OTUD4: variants seen among roughly 807,000 people sequenced by gnomAD.
The protein encoded by OTUD4 is OTU deubiquitinase 4.
OTUD4 carries 24 observed loss-of-function variants against 130.4 expected under a neutral mutation model. That is an observed-to-expected ratio of 0.18 (90% CI 0.13 to 0.26). The LOEUF is 0.26. Among genes scored for constraint, OTUD4 ranks in the 10% least tolerant of loss-of-function variants. The pLI is 1.00. For missense variants in OTUD4, 1,031 were observed against 1,329.4 expected (o/e 0.78, Z 3.49); for synonymous variants, 420 against 472.5 (o/e 0.89, Z 1.44).
chr4:145,160,964 G>C (rs1227194614), intron 6 of OTUD4, among the ~76,000 whole-genome samples: 2 of 152,000 alleles, frequency 1.3e-5, no homozygotes, highest in Non-Finnish European at 2.9e-5. Context: ...ACAAAAATTA[G>C]CCAGACTTGG....
rs1750195984 is a variant in OTUD4 at position 145,135,481 on chromosome 4, T to C, written c.*1949A>G. The C allele has an allele frequency of 6.6e-6, 1 of 152,204 alleles. No individual in the cohort carries two copies. The highest frequency in any genetic ancestry group is 1.5e-5 in the Non-Finnish European group (1 of 68,044). 9.4% of individuals were successfully genotyped at this position (152,204 alleles called of 1,614,324 possible). On this transcript the variant is annotated 3_prime_UTR_variant, in exon 21 of 21. Transcript: ENST00000447906. The stretch of plus-strand genomic sequence containing the variant: ...GTTTGTATCAAAATGTGATTTTCAT[T>C]AAAATCAGGTAAGCTAGTCCTACAT...
intron 1 of OTUD4, among the ~76,000 whole-genome samples, chr4:145,178,895 G>T (rs1027145881): frequency 2.0e-5 from 3 of 152,176 alleles, no homozygotes; most frequent in Admixed American, 6.5e-5. Context: ...GTGCAATGGG[G>T]TGTGGGGAGC....
rs1346705307 is a variant in OTUD4, at chr4:145,134,685, A to C, written c.*2745T>G. The C allele has an allele frequency of 5.0e-6, 2 of 398,826 alleles. No individual in the cohort carries two copies. The highest frequency in any genetic ancestry group is 8.8e-5 in the Admixed American group (2 of 22,704). The allele number at this position is 398,826 out of a possible 1,614,324, so 24.7% of individuals were successfully genotyped here. A position where few individuals can be genotyped will look rare whatever the true frequency, so the allele number is the denominator to read the frequency against. On this transcript the variant is annotated 3_prime_UTR_variant, in exon 21 of 21. Transcript: ENST00000447906. The stretch of plus-strand genomic sequence containing the variant: ...ATGAATTTGTGGGTTATCAGTAAAC[A>C]GTATGAGGACTACACAGATGCCAGC...
intron 15 of OTUD4, 141 bp from the exon 16 acceptor site, chr4:145,144,142 C>T: frequency 2.0e-6 from 2 of 1,009,110 alleles, no homozygotes; most frequent in Non-Finnish European, 3.0e-6. Flanking sequence ...TTTAGAATAG[C>T]ACTTAACATC....
rs1278548339 is a variant in OTUD4 at position 145,136,120 on chromosome 4, C to A, written c.*1310G>T. 2 of 152,570 alleles carry A rather than the reference C, an allele frequency of 1.3e-5. No homozygotes were observed. Among genetic ancestry groups the A allele is most frequent in the African/African-American group, 4.8e-5 (2 of 41,442 alleles). 9.5% of individuals were successfully genotyped at this position (152,570 alleles called of 1,614,324 possible). ...AACATAATAAAAGAGTGGATTTTCA[C>A]ATTGGTATGCACAAATAAAGAATAT... On this transcript the variant is annotated 3_prime_UTR_variant, in exon 21 of 21. Transcript: ENST00000447906.
intron 1 of OTUD4, among the ~76,000 whole-genome samples, chr4:145,175,262 A>G (rs1049724599): frequency 2.6e-5 from 4 of 152,358 alleles, no homozygotes; most frequent in African/African-American, 9.6e-5. Flanking sequence ...TTTCAGAAAA[A>G]TTAAGGCACT....
At chr4:145,174,006 ATT>A (rs35026013) in intron 2 of OTUD4, among the ~76,000 whole-genome samples, 20 of 136,482 alleles carry the variant, frequency 1.5e-4, no homozygotes, top group East Asian at 4.3e-4. Context: ...GCAAGTCTGA[ATT>A]TTTTTTTTTT....
At chr4:145,155,286 C>T (rs931530110) in intron 10 of OTUD4, 125 bp downstream of exon 10, 18 of 740,438 alleles carry the variant, frequency 2.4e-5, no homozygotes, top group Non-Finnish European at 4.2e-5. Flanking sequence ...AATGTATATA[C>T]ATGATAAATA....
At chr4:145,156,105 T>G (rs1334309207) in intron 7 of OTUD4, 109 bp from the exon 8 acceptor site, 1 of 779,456 alleles carries the variant, frequency 1.3e-6, no homozygotes, top group Admixed American at 2.6e-5. Context: ...CAAAAAGAGC[T>G]ATATTCCAGT....
chr4:145,143,409 G>A lies in OTUD4; in HGVS notation c.1639C>T (p.Pro547Ser). 1.2e-6 allele frequency: 2 copies of A among 1,611,010 alleles called. No homozygotes were observed. Among genetic ancestry groups the A allele is most frequent in the Non-Finnish European group, 1.7e-6 (2 of 1,177,540 alleles). Reference sequence around the variant, plus strand: ...CACTCTAACTTCTTTGACTTTGATGGTGATGAAACTGTTGCATATTTATCA... The same window carrying A: ...CACTCTAACTTCTTTGACTTTGATGATGATGAAACTGTTGCATATTTATCA... ...TDDKYATVSS[P>S]SKSKKLECPS... Residue 547 changes from proline (P) to serine (S), a missense_variant, in exon 17 of 21, where the codon CCA (proline) becomes TCA (serine). Physicochemically the swap from Pro to Ser is moderately conservative, Grantham distance 74 (BLOSUM62 -1). Coordinates refer to ENST00000447906, the MANE Select transcript of OTUD4 (RefSeq NM_001366057.1).
intron 3 of OTUD4, among the ~76,000 whole-genome samples, chr4:145,168,405 T>C (rs145046572): frequency 9.0e-5 from 1 of 11,068 alleles, no homozygotes; most frequent in Non-Finnish European, 2.0e-4. Flanking sequence ...ATAAATAAAA[T>C]AAAAAATTAA....
intron 1 of OTUD4, among the ~76,000 whole-genome samples, chr4:145,178,765 C>T (rs551974387): frequency 2.6e-5 from 4 of 152,270 alleles, no homozygotes; most frequent in African/African-American, 7.2e-5. Flanking sequence ...CTGGCCTCCA[C>T]ATGTTAAGTA....
intron 4 of OTUD4, 142 bp downstream of exon 4, chr4:145,165,009 T>C (rs935902124): frequency 5.0e-5 from 24 of 476,492 alleles, no homozygotes; most frequent in East Asian, 2.2e-4. Flanking sequence ...CAAAATCTAA[T>C]TGATGCAATT....
At position 145,138,427 on chromosome 4, in the gene OTUD4, GGCT is replaced by G; in HGVS notation, c.2345_2347del (p.Gln782del). 6.2e-7 allele frequency: 1 copy of G among 1,614,200 alleles called. No homozygotes were observed. Among genetic ancestry groups the G allele is most frequent in the South Asian group, 1.1e-5 (1 of 91,070 alleles). On this transcript the variant is annotated inframe_deletion, in exon 21 of 21. Coordinates refer to ENST00000447906, the MANE Select transcript of OTUD4 (RefSeq NM_001366057.1). The stretch of plus-strand genomic sequence containing the variant: ...AGAAAATGTCGGCGGTCCAATCTCT[GGCT>G]GTGGCATTTGACCATTAACACTGGC...
At chr4:145,149,954 T>C (rs1209390657) in intron 13 of OTUD4, among the ~76,000 whole-genome samples, 1 of 152,108 alleles carries the variant, frequency 6.6e-6, no homozygotes, top group Non-Finnish European at 1.5e-5. Flanking sequence ...TAGGGAAAAA[T>C]TAAAATCCAT....
chr4:145,164,027 C>G, intron 5 of OTUD4, 127 bp downstream of exon 5: 2 of 555,604 alleles, frequency 3.6e-6, no homozygotes, highest in South Asian at 3.9e-5. Flanking sequence ...TTTAAGAAAT[C>G]AGAATACCAT....
At chr4:145,154,261 A>G (rs950406680) in intron 10 of OTUD4, among the ~76,000 whole-genome samples, 6 of 152,232 alleles carry the variant, frequency 3.9e-5, no homozygotes, top group African/African-American at 1.4e-4. Context: ...CTACAATTAG[A>G]GCAGATTTAT....
chr4:145,140,322 G>A (rs1188222201), intron 19 of OTUD4, among the ~76,000 whole-genome samples: 6 of 152,034 alleles, frequency 3.9e-5, no homozygotes, highest in African/African-American at 1.4e-4. Flanking sequence ...TTAAAAATTA[G>A]GAAATAAAAA....
rs1017169628 is a variant in OTUD4, at chr4:145,134,162, G to T, written c.*3268C>A. ...ATCCCAATTAGTGGGAGAGTAAATG[G>T]CTGACATTAGTAGCAAAACCTTAGT... On this transcript the variant is annotated 3_prime_UTR_variant, in exon 21 of 21. Coordinates refer to ENST00000447906, the MANE Select transcript of OTUD4 (RefSeq NM_001366057.1). The T allele has an allele frequency of 6.6e-6, 1 of 152,588 alleles. No individual in the cohort carries two copies. Among genetic ancestry groups the T allele is most frequent in the African/African-American group, 2.4e-5 (1 of 41,426 alleles). 9.5% of individuals were successfully genotyped at this position (152,588 alleles called of 1,614,324 possible). A position where few individuals can be genotyped will look rare whatever the true frequency, so the allele number is the denominator to read the frequency against.
Sources: allele counts gnomAD v4.1 joint callset (sites outside exome capture counted in the v4.1 genomes callset), GRCh38; gene constraint gnomAD v4.1.1; transcripts MANE v1.5; gene names NCBI Gene and HGNC (gene_info 2026-07-23, HGNC 2026-07-21).